Variants in BCL2 observed in about 807,000 individuals in gnomAD.
The protein encoded by BCL2 is apoptosis regulator Bcl-2.
A neutral mutation model predicts 14.2 loss-of-function variants in BCL2; 1 was observed. That is an observed-to-expected ratio of 0.07 (90% CI 0.02 to 0.33). BCL2 has a LOEUF of 0.33. BCL2 is among the 10% of genes least tolerant of loss of function. The pLI, the probability that BCL2 is intolerant of heterozygous loss-of-function variation, is 0.99. For synonymous variants in BCL2, 151 were observed against 137.2 expected, an observed-to-expected ratio of 1.10 and a Z score of -0.70; for missense variants, 247 against 305.9, an observed-to-expected ratio of 0.81 and a Z score of 1.44.
intron 2 of BCL2, among the ~76,000 whole-genome samples, chr18:63,269,991 C>T (rs1388031601): frequency 6.6e-6 from 1 of 152,096 alleles, no homozygotes; most frequent in East Asian, 1.9e-4. Context: ...ATACATCTAA[C>T]TACAAAAATT....
chr18:63,318,864 T>C lies in BCL2; in HGVS notation c.-198A>G. On this transcript the variant is annotated 5_prime_UTR_variant, in exon 2 of 3. Coordinates refer to ENST00000333681, the MANE Select transcript of BCL2 (RefSeq NM_000633.3). This position sits in a 1 kb window ranked among gnomAD's most constrained non-coding sequence, Gnocchi z 7.4. Reference sequence around the variant, plus strand: ...CCCCTTGGCATGAGATGCAGGAAATTTTTATTCCAATTCCTTTCGGATCTT... The same window carrying C: ...CCCCTTGGCATGAGATGCAGGAAATCTTTATTCCAATTCCTTTCGGATCTT... The C allele has an allele frequency of 7.1e-7, 1 of 1,411,060 alleles. No individual in the cohort carries two copies. The highest frequency in any genetic ancestry group is 1.6e-5 in the South Asian group (1 of 63,012). The allele number at this position is 1,411,060 out of a possible 1,614,324, so 87.4% of individuals were successfully genotyped here.
At chr18:63,309,893 C>T (rs1042967745) in intron 2 of BCL2, among the ~76,000 whole-genome samples, 2 of 152,094 alleles carry the variant, frequency 1.3e-5, no homozygotes, top group African/African-American at 4.8e-5. Flanking sequence ...GACAGAGTCT[C>T]GCTCTGTCCC....
chr18:63,139,665 G>T (rs4987827), intron 2 of BCL2, among the ~76,000 whole-genome samples: 37,353 of 152,080 alleles, frequency 0.25, 5,027 homozygotes, highest in Non-Finnish European at 0.31. Context: ...CTAAAGAAAG[G>T]GCCTATATAC....
At chr18:63,317,604 C>T (rs1423542680) in intron 2 of BCL2, 3 of 997,474 alleles carry the variant, frequency 3.0e-6, no homozygotes. Context: ...TTCTTCTAAT[C>T]GGGTTGTTCT....
intron 2 of BCL2, among the ~76,000 whole-genome samples, chr18:63,278,337 T>C (rs751042651): frequency 5.2e-4 from 79 of 152,198 alleles, no homozygotes; most frequent in Non-Finnish European, 1.0e-3. Context: ...TGACAAAGAC[T>C]CTCCTAGATC....
chr18:63,285,625 T>C (rs907245818), intron 2 of BCL2, among the ~76,000 whole-genome samples: 1 of 152,162 alleles, frequency 6.6e-6, no homozygotes, highest in African/African-American at 2.4e-5. Context: ...ACTGAACATA[T>C]GTCAGCCATG....
chr18:63,276,566 T>A (rs1195943168), intron 2 of BCL2, among the ~76,000 whole-genome samples: 2 of 152,366 alleles, frequency 1.3e-5, no homozygotes, highest in East Asian at 3.9e-4. Flanking sequence ...CACAAGGGTT[T>A]CCTCCATGAT....
At chr18:63,166,082 A>G (rs1342949209) in intron 2 of BCL2, among the ~76,000 whole-genome samples, 1 of 152,208 alleles carries the variant, frequency 6.6e-6, no homozygotes, top group Non-Finnish European at 1.5e-5. Flanking sequence ...GGCCCTCAGT[A>G]TGAGGACCAG....
At chr18:63,134,781 G>A (rs989229648) in intron 2 of BCL2, among the ~76,000 whole-genome samples, 1 of 152,216 alleles carries the variant, frequency 6.6e-6, no homozygotes, top group African/African-American at 2.4e-5. Context: ...AGACTGCAGA[G>A]TCTCATCGGC....
At chr18:63,151,558 T>C (rs1271926283) in intron 2 of BCL2, among the ~76,000 whole-genome samples, 1 of 151,710 alleles carries the variant, frequency 6.6e-6, no homozygotes, top group Non-Finnish European at 1.5e-5. Context: ...GGAGGATAAA[T>C]GTGTGCATAG....
At chr18:63,290,607 T>C (rs1912619139) in intron 2 of BCL2, among the ~76,000 whole-genome samples, 1 of 151,994 alleles carries the variant, frequency 6.6e-6, no homozygotes, top group Admixed American at 6.6e-5. Flanking sequence ...GTGACAAAGC[T>C]CAGGATAAAT....
chr18:63,129,044 G>A (rs1913992212), intron 2 of BCL2, among the ~76,000 whole-genome samples: 1 of 152,200 alleles, frequency 6.6e-6, no homozygotes, highest in African/African-American at 2.4e-5. Flanking sequence ...TCCATTGAGT[G>A]GAACAGTATA....
chr18:63,154,148 ATAT>A (rs1385830647), intron 2 of BCL2, among the ~76,000 whole-genome samples: 1 of 152,142 alleles, frequency 6.6e-6, no homozygotes, highest in Non-Finnish European at 1.5e-5. Context: ...CCCTCAGCCT[ATAT>A]CCTAGCAGAA....
rs373889054 is a variant in BCL2 at position 63,318,384 on chromosome 18, G to A, written c.283C>T (p.Leu95=). Residue 95 remains leucine, a synonymous_variant, in exon 2 of 3, where the codon CTG becomes TTG. Coordinates refer to ENST00000333681, the MANE Select transcript of BCL2 (RefSeq NM_000633.3). This position sits in a 1 kb window ranked among gnomAD's most constrained non-coding sequence, Gnocchi z 7.4. ...TCGTCGCCGGCCTGGCGGAGGGTCA[G>A]GTGGACCACAGGTGGCACCGGGCTG... The part of the protein sequence containing the change: ...ALSPVPPVVH[L]TLRQAGDDFS... 4.4e-6 allele frequency: 7 copies of A among 1,591,004 alleles called. No individual in the cohort carries two copies. The African/African-American group carries it at 9.4e-5, about 21-fold the overall frequency.
chr18:63,212,314 C>A (rs560453912), intron 2 of BCL2, among the ~76,000 whole-genome samples: 2 of 151,320 alleles, frequency 1.3e-5, no homozygotes, highest in Admixed American at 6.6e-5. Flanking sequence ...GGCGACAGAG[C>A]GAGACTCTGT....
chr18:63,297,952 A>C (rs776396382), intron 2 of BCL2, among the ~76,000 whole-genome samples: 69 of 152,082 alleles, frequency 4.5e-4, no homozygotes, highest in Non-Finnish European at 9.4e-4. Context: ...CTGTGAAATC[A>C]TTTGCATTCT....
At chr18:63,240,281 A>G (rs1599263416) in intron 2 of BCL2, among the ~76,000 whole-genome samples, 1 of 152,136 alleles carries the variant, frequency 6.6e-6, no homozygotes, top group Non-Finnish European at 1.5e-5. Context: ...GAGCCACTGC[A>G]CCCAGCCTAT....
intron 2 of BCL2, among the ~76,000 whole-genome samples, chr18:63,142,058 G>A (rs1914380975): frequency 1.3e-5 from 2 of 152,254 alleles, no homozygotes; most frequent in African/African-American, 4.8e-5. Flanking sequence ...GCAGTGAGGG[G>A]AGGGAGTCCT....
At chr18:63,295,037 T>C (rs1427105811) in intron 2 of BCL2, among the ~76,000 whole-genome samples, 1 of 147,150 alleles carries the variant, frequency 6.8e-6, no homozygotes, top group African/African-American at 2.5e-5. Context: ...TGGTGGCGAG[T>C]GCCTATAGTC....
Sources: gnomAD v4.1 joint callset for allele counts (sites outside exome capture counted in the v4.1 genomes callset) on GRCh38, gnomAD v4.1.1 for gene constraint, Gnocchi (gnomAD v3.1) non-coding constraint, MANE v1.5 for transcripts, NCBI Gene and HGNC (gene_info 2026-07-23, HGNC 2026-07-21) for gene names.